PIK3R5: variants seen among roughly 807,000 people sequenced by gnomAD.
PIK3R5 encodes the protein phosphoinositide-3-kinase regulatory subunit 5.
Under a neutral mutation model 94.9 loss-of-function variants are expected in PIK3R5, and 32 were observed. The ratio of observed to expected loss-of-function variants is 0.34; its 90% CI spans 0.25 to 0.45. The LOEUF is 0.45. PIK3R5 is among the 20% of genes least tolerant of loss of function. The probability of loss-of-function intolerance (pLI) is 1.00; values close to 1 mark genes in which losing one functional copy is unlikely to be tolerated. For synonymous variants in PIK3R5, 443 were observed against 479.4 expected, an observed-to-expected ratio of 0.92 and a Z score of 0.99; for missense variants, 853 against 1,144.6, an observed-to-expected ratio of 0.75 and a Z score of 3.68.
At chr17:8,895,254 T>C (rs1248633286) in intron 5 of PIK3R5, among the ~76,000 whole-genome samples, 1 of 152,186 alleles carries the variant, frequency 6.6e-6, no homozygotes, top group East Asian at 1.9e-4. Context: ...AACACATAGA[T>C]ACGCAAAATC....
intron 11 of PIK3R5, 132 bp downstream of exon 11, chr17:8,887,389 C>T: frequency 7.6e-7 from 1 of 1,317,746 alleles, no homozygotes; most frequent in African/African-American, 1.5e-5. Context: ...TGTCCAAGTG[C>T]AGGGAGTGAG....
chr17:8,954,752 A>T (rs527699771), intron 1 of PIK3R5, among the ~76,000 whole-genome samples: 1 of 152,174 alleles, frequency 6.6e-6, no homozygotes, highest in African/African-American at 2.4e-5. Context: ...CCTGGCCAAC[A>T]TGGTGAAACT....
In PIK3R5 at chr17:8,965,621, C is replaced by A. The variant is rs928495282; in HGVS notation, c.-39G>T. On this transcript the variant is annotated 5_prime_UTR_variant, in exon 1 of 19. Coordinates refer to ENST00000447110, the MANE Select transcript of PIK3R5 (RefSeq NM_001142633.3). ...CTGCAGTCCCCGCCGGGCGCCGAGC[C>A]CCTCTCCAGCGGCGACTCCCTGCGA... is the stretch of plus-strand genomic sequence containing the variant. 1 of 152,388 alleles carries A rather than the reference C, an allele frequency of 6.6e-6. No individual in the cohort carries two copies. Among genetic ancestry groups the A allele is most frequent in the Admixed American group, 6.5e-5 (1 of 15,290 alleles). 9.4% of individuals were successfully genotyped at this position (152,388 alleles called of 1,614,324 possible). A position where few individuals can be genotyped will look rare whatever the true frequency, so the allele number is the denominator to read the frequency against.
intron 1 of PIK3R5, among the ~76,000 whole-genome samples, chr17:8,960,991 T>C (rs1237371484): frequency 6.6e-6 from 1 of 152,128 alleles, no homozygotes; most frequent in Non-Finnish European, 1.5e-5. Flanking sequence ...AGGCCATAGC[T>C]GTGCCAGGTC....
chr17:8,883,383 AAAC>A (rs2089729677), intron 15 of PIK3R5, among the ~76,000 whole-genome samples: 3 of 152,152 alleles, frequency 2.0e-5, no homozygotes, highest in African/African-American at 7.2e-5. Flanking sequence ...AACAAACAAA[AAAC>A]CACAAAACTC....
In PIK3R5 at chr17:8,893,939, C is replaced by A; in HGVS notation, c.413-284G>T. On this transcript the variant is annotated intron_variant, in intron 5 of 18. Coordinates refer to ENST00000447110, the MANE Select transcript of PIK3R5 (RefSeq NM_001142633.3). The surrounding 1 kb of genome is among the most constrained non-coding windows in gnomAD (Gnocchi z 5.1). Reference sequence around the variant, plus strand: ...GATTCCCGTGGCCTCTCTGACTGCCCTCCCTTCCTAAGAGCTTTCCACTCC... The same window carrying A: ...GATTCCCGTGGCCTCTCTGACTGCCATCCCTTCCTAAGAGCTTTCCACTCC... 3.5e-6 allele frequency: 1 copy of A among 285,006 alleles called. No individual in the cohort carries two copies. 17.7% of individuals were successfully genotyped at this position (285,006 alleles called of 1,614,324 possible). A position where few individuals can be genotyped will look rare whatever the true frequency, so the allele number is the denominator to read the frequency against.
rs1179422617 is a variant in PIK3R5 at position 8,911,344 on chromosome 17, G to C, written c.103+48C>G. The C allele has an allele frequency of 2.7e-6, 4 of 1,469,638 alleles. No individual in the cohort carries two copies. The South Asian group carries it at 4.5e-5, about 17-fold the overall frequency. The allele number at this position is 1,469,638 out of a possible 1,614,324, so 91.0% of individuals were successfully genotyped here. A position where few individuals can be genotyped will look rare whatever the true frequency, so the allele number is the denominator to read the frequency against. On this transcript the variant is annotated intron_variant, in intron 2 of 18. Coordinates refer to ENST00000447110, the MANE Select transcript of PIK3R5 (RefSeq NM_001142633.3). The surrounding 1 kb of genome is among the most constrained non-coding windows in gnomAD (Gnocchi z 5.3). The stretch of plus-strand genomic sequence containing the variant: ...TGGTCCAGTGCCCACCGTGGCCCCT[G>C]AGGCTTCCTTGAGCCCTCAAACACC...
At chr17:8,887,849 A>C (rs975422372) in intron 10 of PIK3R5, among the ~76,000 whole-genome samples, 166 bp from the exon 11 acceptor site, 2 of 150,940 alleles carry the variant, frequency 1.3e-5, no homozygotes, top group African/African-American at 4.9e-5. Context: ...AAAAAAAAAA[A>C]AATTAGTCAG....
chr17:8,957,526 C>T (rs778936003), intron 1 of PIK3R5, among the ~76,000 whole-genome samples: 18 of 152,214 alleles, frequency 1.2e-4, no homozygotes, highest in Non-Finnish European at 2.1e-4. Context: ...ATTCTGTCAT[C>T]GCTATCCTGG....
chr17:8,886,363 G>A (rs2089856725), intron 13 of PIK3R5, 41 bp from the exon 14 acceptor site: 1 of 1,600,960 alleles, frequency 6.2e-7, no homozygotes, highest in Admixed American at 1.7e-5. Flanking sequence ...TGAACCTCCT[G>A]GAGGGGCCCA....
At chr17:8,936,943 ATTGT>A (rs2091088496) in intron 1 of PIK3R5, among the ~76,000 whole-genome samples, 1 of 152,010 alleles carries the variant, frequency 6.6e-6, no homozygotes, top group African/African-American at 2.4e-5. Context: ...TATCCATTTT[ATTGT>A]TTTCTCATAT....
At chr17:8,912,461 A>G (rs2090546610) in intron 1 of PIK3R5, 2 of 152,262 alleles carry the variant, frequency 1.3e-5, no homozygotes, top group Non-Finnish European at 2.9e-5. Context: ...CAATGGTGCT[A>G]ACCTCATGGG....
intron 1 of PIK3R5, among the ~76,000 whole-genome samples, chr17:8,924,131 T>C (rs1434704365): frequency 7.4e-6 from 1 of 135,984 alleles, no homozygotes; most frequent in Non-Finnish European, 1.6e-5. Flanking sequence ...CAGGCTGGAG[T>C]GCAGTGGTGT....
In PIK3R5 at chr17:8,955,150, T is replaced by C. The variant is rs1183924244; in HGVS notation, c.-14+10446A>G. 2.1e-4 allele frequency among the ~76,000 whole-genome samples: 32 copies of C among 152,046 alleles called. No homozygotes were observed. The highest frequency in any genetic ancestry group is 1.5e-5 in the Non-Finnish European group (1 of 68,008). On this transcript the variant is annotated intron_variant, in intron 1 of 18. Coordinates refer to ENST00000447110, the MANE Select transcript of PIK3R5 (RefSeq NM_001142633.3). This position sits in a 1 kb window ranked among gnomAD's most constrained non-coding sequence, Gnocchi z 4.4. ...GTCTGGAGGGTCCTTGAGGGGAGGATGACCGAACCCCACAGAGGTCTCAGA... is the reference window on the plus strand; with the variant it reads ...GTCTGGAGGGTCCTTGAGGGGAGGACGACCGAACCCCACAGAGGTCTCAGA...
intron 1 of PIK3R5, among the ~76,000 whole-genome samples, chr17:8,942,289 C>A (rs986797792): frequency 6.6e-6 from 1 of 152,114 alleles, no homozygotes; most frequent in Admixed American, 6.5e-5. Context: ...TGACCTCTGC[C>A]GGCCTGACCC....
intron 6 of PIK3R5, 128 bp from the exon 7 acceptor site, chr17:8,891,040 C>CA (rs2090011951): frequency 1.2e-6 from 1 of 863,954 alleles, no homozygotes; most frequent in South Asian, 1.7e-5. Context: ...AGGCAGAGCT[C>CA]GAGGAGGTGA....
At chr17:8,951,166 T>C (rs2091368459) in intron 1 of PIK3R5, among the ~76,000 whole-genome samples, 1 of 152,232 alleles carries the variant, frequency 6.6e-6, no homozygotes, top group African/African-American at 2.4e-5. Flanking sequence ...TTTGGCTTGT[T>C]GATTTGTTTA....
At chr17:8,891,009 G>A (rs973498328) in intron 6 of PIK3R5, 97 bp from the exon 7 acceptor site, 42 of 1,197,148 alleles carry the variant, frequency 3.5e-5, no homozygotes, top group Non-Finnish European at 4.4e-5. Flanking sequence ...GCTCCACTGA[G>A]ACCAGGGCCT....
intron 6 of PIK3R5, among the ~76,000 whole-genome samples, chr17:8,891,517 A>G (rs1334199200): frequency 6.6e-6 from 1 of 152,020 alleles, no homozygotes; most frequent in Non-Finnish European, 1.5e-5. Flanking sequence ...GTGCCTGGCC[A>G]CTGCTACCTC....
Sources: gnomAD v4.1 joint callset for allele counts (sites outside exome capture counted in the v4.1 genomes callset) on GRCh38, gnomAD v4.1.1 for gene constraint, Gnocchi (gnomAD v3.1) non-coding constraint, MANE v1.5 for transcripts, NCBI Gene and HGNC (gene_info 2026-07-23, HGNC 2026-07-21) for gene names.